ZNF397: variants seen among roughly 807,000 people sequenced by gnomAD.
ZNF397 encodes the protein zinc finger protein 397.
In ZNF397, 38 loss-of-function variants were observed where a neutral mutation model predicts 50.6. That is an observed-to-expected ratio of 0.75 (90% CI 0.58 to 0.98). ZNF397 has a LOEUF of 0.98. Ranked by LOEUF, ZNF397 falls within the 50% of genes least tolerant of loss-of-function variation. The pLI is 0.00. For synonymous variants in ZNF397, 228 were observed against 215.2 expected (o/e 1.06, Z -0.52); for missense variants, 624 against 624.1 (o/e 1.00, Z 0.00).
At chr18:35,254,471 T>G, downstream of ZNF397, 1 of 1,590,330 alleles carries the variant, frequency 6.3e-7, no homozygotes, top group Non-Finnish European at 8.5e-7. Flanking sequence ...ATGAAATAGG[T>G]ATTTATTTAT....
At chr18:35,258,200 C>T in exon 6 of ZNF397, 1 of 544,734 alleles carries the variant, frequency 1.8e-6, no homozygotes, top group Non-Finnish European at 3.3e-6. Flanking sequence ...AAGAGACTAG[C>T]ATAAGGAGAC....
Position 35,245,552 on chromosome 18 carries a change from A to C in ZNF397, c.847A>C (p.Arg283=). The stretch of plus-strand genomic sequence containing the variant: ...GTGTCAGAAAGTTCCTCCAGAAGAG[A>C]GACCTTATAGATGTGATGTATGTGG... The part of the protein sequence containing the change: ...IMCQKVPPEE[R]PYRCDVCGHS... The change falls in exon 4 of 4, where the codon AGA becomes CGA. Residue 283 remains arginine, a synonymous_variant. Transcript: ENST00000330501. 6.4e-7 allele frequency: 1 copy of C among 1,552,536 alleles called. No individual in the cohort carries two copies. Among genetic ancestry groups the C allele is most frequent in the Non-Finnish European group, 8.7e-7 (1 of 1,147,242 alleles).
chr18:35,243,522 T>C (rs553067607), intron 3 of ZNF397: 6 of 655,870 alleles, frequency 9.1e-6, no homozygotes, highest in East Asian at 8.1e-5. Context: ...GTTGTAACTT[T>C]ATAAAGCGTC....
In ZNF397 at chr18:35,249,490, A is replaced by G. The variant is rs2143621052; in HGVS notation, c.*3180A>G. ...AATATGGTGAAACCCCGTCTCTACTAAAAATACAAAACAATTAGCTGGTGT... is the reference window on the plus strand; with the variant it reads ...AATATGGTGAAACCCCGTCTCTACTGAAAATACAAAACAATTAGCTGGTGT... On this transcript the variant is annotated 3_prime_UTR_variant, in exon 4 of 4. Transcript: ENST00000330501. 6.6e-6 allele frequency: 1 copy of G among 152,044 alleles called. No homozygotes were observed. The highest frequency in any genetic ancestry group is 3.4e-3 in the Middle Eastern group (1 of 294). 9.4% of individuals were successfully genotyped at this position (152,044 alleles called of 1,614,324 possible). A position where few individuals can be genotyped will look rare whatever the true frequency, so the allele number is the denominator to read the frequency against.
chr18:35,253,664 C>G (rs1449801146), downstream of ZNF397: 3 of 1,613,860 alleles, frequency 1.9e-6, no homozygotes, highest in African/African-American at 4.0e-5. Flanking sequence ...GATAGAACTC[C>G]TACCAAAAGC....
chr18:35,256,951 T>G (rs2043846806), intron 5 of ZNF397: 1 of 153,098 alleles, frequency 6.5e-6, no homozygotes, highest in Non-Finnish European at 1.5e-5. Flanking sequence ...TTAAAAAATT[T>G]TTTTTGTAGA....
chr18:35,257,832 T>C, intron 5 of ZNF397: 1 of 776,522 alleles, frequency 1.3e-6, no homozygotes, highest in Middle Eastern at 2.3e-4. Flanking sequence ...GCCCATGAAA[T>C]GCTCCAAGGA....
rs1189841600 is a variant in ZNF397, at chr18:35,249,765, A to C, written c.*3455A>C. 6.6e-6 allele frequency: 1 copy of C among 151,550 alleles called. No homozygotes were observed. The highest frequency in any genetic ancestry group is 2.4e-5 in the African/African-American group (1 of 41,236). The allele number at this position is 151,550 out of a possible 1,614,324, so 9.4% of individuals were successfully genotyped here. On this transcript the variant is annotated 3_prime_UTR_variant, in exon 4 of 4. Coordinates refer to ENST00000330501, the MANE Select transcript of ZNF397 (RefSeq NM_001135178.3). Reference sequence around the variant, plus strand: ...AAAACAATATGTACAGTATGATCCTATGTAAAATATATATTTATGTATTAA... The same window carrying C: ...AAAACAATATGTACAGTATGATCCTCTGTAAAATATATATTTATGTATTAA...
rs1248537670 is a variant in ZNF397 at position 35,247,696 on chromosome 18, TG to T, written c.*1388del. 1 of 117,188 alleles carries T rather than the reference TG, an allele frequency of 8.5e-6. No individual in the cohort carries two copies. The highest frequency in any genetic ancestry group is 3.6e-5 in the African/African-American group (1 of 27,540). The allele number at this position is 117,188 out of a possible 1,614,324, so 7.3% of individuals were successfully genotyped here. On this transcript the variant is annotated 3_prime_UTR_variant, in exon 4 of 4. Coordinates refer to ENST00000330501, the MANE Select transcript of ZNF397 (RefSeq NM_001135178.3). ...TTTTTTTTTTTTTTTTTTTTTGAGA[TG>T]GAGTTCGCTCTTGTCCAGGCTGGAG...
rs2043464003 is a variant in ZNF397 at position 35,245,595 on chromosome 18, A to C, written c.890A>C (p.His297Pro). 6.4e-7 allele frequency: 1 copy of C among 1,553,328 alleles called. No individual in the cohort carries two copies. Residue 297 changes from histidine to proline, a missense_variant, in exon 4 of 4, where the codon CAT becomes CCT. Coordinates refer to ENST00000330501, the MANE Select transcript of ZNF397 (RefSeq NM_001135178.3). Reference protein sequence around the residue: ...CDVCGHSFKQHSSLTQHQRIH... With the variant: ...CDVCGHSFKQPSSLTQHQRIH... ...GTATGTGGGCACAGCTTCAAGCAGC[A>C]TTCCTCTCTAACACAACATCAGAGA...
Position 35,243,182 on chromosome 18 carries a change from C to G in ZNF397, c.445C>G (p.Pro149Ala), listed in dbSNP as rs1164677324. ...VPASPQGPAV[P>A]WKDLTCLRAS... ...AGCTAGTCCACAGGGACCAGCAGTG[C>G]CATGGAAGGATTTAACATGTCTCAG... The change falls in exon 3 of 4, where the codon CCA (proline) becomes GCA (alanine). Residue 149 changes from proline (P) to alanine (A), a missense_variant. Transcript: ENST00000330501. 6.2e-7 allele frequency: 1 copy of G among 1,614,134 alleles called. No individual in the cohort carries two copies. Among genetic ancestry groups the G allele is most frequent in the East Asian group, 2.2e-5 (1 of 44,880 alleles).
rs753081422 is a variant in ZNF397 at position 35,246,098 on chromosome 18, A to G, written c.1393A>G (p.Ser465Gly). 39 of 1,554,408 alleles carry G rather than the reference A, an allele frequency of 2.5e-5. No homozygotes were observed. The highest frequency in any genetic ancestry group is 2.8e-5 in the Non-Finnish European group (32 of 1,148,550). Residue 465 changes from serine to glycine, a missense_variant, in exon 4 of 4, where the codon AGC (serine) becomes GGC (glycine). By Grantham distance (56) the Ser-to-Gly change is moderately conservative. Transcript: ENST00000330501. ...TGAATGTGGAAAAGCTTTCAGTTTG[A>G]GCTCAAACCTTATCAGACATCAGAG... ...CSECGKAFSLSSNLIRHQRIH... is the reference protein window; with the variant it reads ...CSECGKAFSLGSNLIRHQRIH...
chr18:35,253,829 C>A (rs746409275), downstream of ZNF397: 5 of 1,614,042 alleles, frequency 3.1e-6, no homozygotes, highest in Non-Finnish European at 3.4e-6. Context: ...GAGCTCTGAA[C>A]TGCCCCTGAA....
chr18:35,253,540 TC>T (rs753177952), downstream of ZNF397: 2 of 1,613,958 alleles, frequency 1.2e-6, no homozygotes, highest in South Asian at 2.2e-5. Context: ...AAGGCTTCTC[TC>T]CAGTGTGAAT....
chr18:35,254,344 C>T, downstream of ZNF397: 1 of 1,613,878 alleles, frequency 6.2e-7, no homozygotes, highest in East Asian at 2.2e-5. Flanking sequence ...CAATTTCTTG[C>T]TTTGCCATCA....
intron 5 of ZNF397, among the ~76,000 whole-genome samples, chr18:35,256,084 G>A (rs1332486262): frequency 2.6e-5 from 4 of 152,118 alleles, no homozygotes; most frequent in South Asian, 2.1e-4. Context: ...ATTTAAATAC[G>A]TCTTCAAATT....
chr18:35,241,907 T>A (rs1398305324), intron 1 of ZNF397, among the ~76,000 whole-genome samples: 1 of 152,086 alleles, frequency 6.6e-6, no homozygotes, highest in Non-Finnish European at 1.5e-5. Flanking sequence ...TAAATGAAAA[T>A]CAACATTACT....
downstream of ZNF397, chr18:35,251,686 CTCTCTCT>C (rs2043600833): frequency 6.6e-6 from 1 of 152,344 alleles, no homozygotes; most frequent in East Asian, 1.9e-4. Context: ...TTCCCCTGCA[CTCTCTCT>C]TGCCACCTTG....
At chr18:35,242,954 T>C (rs761372374) in intron 2 of ZNF397, 70 bp downstream of exon 2, 24 of 1,527,618 alleles carry the variant, frequency 1.6e-5, no homozygotes, top group Non-Finnish European at 1.3e-5. Context: ...ATCATAACAG[T>C]AGGATAAAAA....
Sources: allele counts gnomAD v4.1 joint callset (sites outside exome capture counted in the v4.1 genomes callset), GRCh38; gene constraint gnomAD v4.1.1; transcripts MANE v1.5; gene names NCBI Gene and HGNC (gene_info 2026-07-23, HGNC 2026-07-21).